MCC: variants seen among roughly 807,000 people sequenced by gnomAD.
MCC encodes colorectal mutant cancer protein.
MCC carries 90 observed loss-of-function variants against 116.2 expected under a neutral mutation model. The observed-to-expected ratio is 0.77, with a 90% CI of 0.65 to 0.92. The LOEUF is 0.92. Ranked by LOEUF, MCC falls within the 40% of genes least tolerant of loss-of-function variation. MCC has a pLI of 0.00. For missense variants in MCC, 1,516 were observed against 1,312.2 expected, an observed-to-expected ratio of 1.16 and a Z score of -2.40; for synonymous variants, 578 against 510.5, an observed-to-expected ratio of 1.13 and a Z score of -1.78.
Position 113,024,665 on chromosome 5 carries a change from ATGTT to A in MCC, c.*2633_*2636del, listed in dbSNP as rs1003824674. ...AGATCATTGTTTACCCTCATTGGAG[ATGTT>A]TGTTAGAGAAAAATTCAGGTAGCGC... is the stretch of plus-strand genomic sequence containing the variant. On this transcript the variant is annotated 3_prime_UTR_variant, in exon 19 of 19. Transcript: ENST00000408903. 3.9e-5 allele frequency: 6 copies of A among 152,166 alleles called. No individual in the cohort carries two copies. The highest frequency in any genetic ancestry group is 9.7e-5 in the African/African-American group (4 of 41,420). 9.4% of individuals were successfully genotyped at this position (152,166 alleles called of 1,614,324 possible). A position where few individuals can be genotyped will look rare whatever the true frequency, so the allele number is the denominator to read the frequency against.
In MCC at chr5:113,173,589, G is replaced by A. The variant is rs75044792; in HGVS notation, c.628-22167C>T. Among the ~76,000 whole-genome samples the A allele has an allele frequency of 7.6e-3, 1,162 of 152,298 alleles. 23 individuals carry two copies. The highest frequency in any genetic ancestry group is 0.026 in the African/African-American group (1,096 of 41,550). On this transcript the variant is annotated intron_variant, in intron 3 of 18. Transcript: ENST00000408903. The stretch of plus-strand genomic sequence containing the variant: ...AAACTTCTATTCTCCCCCAATCAGT[G>A]TAATCATGTGCATGACTGAATCCCA...
At position 113,180,391 on chromosome 5, in the gene MCC, T is replaced by C. The variant is rs574825577; in HGVS notation, c.628-28969A>G. On this transcript the variant is annotated intron_variant, in intron 3 of 18. Transcript: ENST00000408903. ...ACTCAGATTTATGGAATATATTGTA[T>C]AGAGAACCCACCAGAAAAACCCACT... Among the ~76,000 whole-genome samples, 14 of 152,308 alleles carry C rather than the reference T, an allele frequency of 9.2e-5. No individual in the cohort carries two copies. In the South Asian group the frequency reaches 2.5e-3, roughly 27 times the overall value.
intron 2 of MCC, among the ~76,000 whole-genome samples, chr5:113,384,001 C>A (rs556935656): frequency 6.6e-6 from 1 of 152,244 alleles, no homozygotes; most frequent in Admixed American, 6.5e-5. Flanking sequence ...AAAACAAACC[C>A]TGAAAATTCA....
At chr5:113,080,633 T>C (rs1186318519) in intron 11 of MCC, among the ~76,000 whole-genome samples, 1 of 151,998 alleles carries the variant, frequency 6.6e-6, no homozygotes, top group African/African-American at 2.4e-5. Context: ...GTGTGGAACA[T>C]CACACACCGG....
chr5:113,106,032 G>T (rs1027445360), intron 6 of MCC, among the ~76,000 whole-genome samples: 3 of 152,148 alleles, frequency 2.0e-5, no homozygotes, highest in Non-Finnish European at 4.4e-5. Flanking sequence ...GCAACTTTAG[G>T]TTCCTCAGGT....
intron 1 of MCC, chr5:113,432,521 G>A (rs1435691433): frequency 6.6e-6 from 1 of 151,962 alleles, no homozygotes; most frequent in Non-Finnish European, 1.5e-5. Context: ...AGGGTTATGA[G>A]AACTAAACAC....
intron 8 of MCC, among the ~76,000 whole-genome samples, chr5:113,088,602 G>C (rs1314182882): frequency 6.6e-6 from 1 of 151,944 alleles, no homozygotes; most frequent in Non-Finnish European, 1.5e-5. Context: ...CAAAGACAGA[G>C]AGACACAGGG....
chr5:113,233,675 A>G (rs958526009), intron 3 of MCC, among the ~76,000 whole-genome samples: 3 of 152,228 alleles, frequency 2.0e-5, no homozygotes, highest in Non-Finnish European at 2.9e-5. Flanking sequence ...AACTCCAGCC[A>G]GATGGCAACA....
intron 1 of MCC, among the ~76,000 whole-genome samples, chr5:113,472,492 G>A (rs115884346): frequency 6.6e-6 from 1 of 152,158 alleles, no homozygotes; most frequent in African/African-American, 2.4e-5. Context: ...AAGGTCACAA[G>A]TTATAATATA....
intron 17 of MCC, 62 bp from the exon 18 acceptor site, chr5:113,029,118 C>A (rs2150206093): frequency 6.7e-7 from 1 of 1,501,902 alleles, no homozygotes; most frequent in South Asian, 1.3e-5. Context: ...GGTGCCCACT[C>A]CCTGGGAAGT....
chr5:113,122,656 G>C, intron 6 of MCC, 28 bp downstream of exon 6: 1 of 1,608,020 alleles, frequency 6.2e-7, no homozygotes, highest in Non-Finnish European at 8.5e-7. Context: ...CCAAACTCTG[G>C]CTTGGTGGCA....
chr5:113,464,585 C>G (rs1032367938), intron 1 of MCC, among the ~76,000 whole-genome samples: 1 of 144,680 alleles, frequency 6.9e-6, no homozygotes, highest in African/African-American at 2.6e-5. Flanking sequence ...TTTGGTATTT[C>G]TTACTCTCTA....
intron 14 of MCC, among the ~76,000 whole-genome samples, 199 bp downstream of exon 14, chr5:113,063,785 A>G (rs1027709414): frequency 6.6e-6 from 1 of 152,246 alleles, no homozygotes; most frequent in Non-Finnish European, 1.5e-5. Flanking sequence ...CCACATTGGC[A>G]AAGTGAGAGG....
At chr5:113,425,624 C>A (rs1189393150) in intron 1 of MCC, among the ~76,000 whole-genome samples, 1 of 152,100 alleles carries the variant, frequency 6.6e-6, no homozygotes, top group African/African-American at 2.4e-5. Context: ...GGTGTAAAAT[C>A]AATACACAAT....
chr5:113,346,989 A>C (rs1262755724), intron 2 of MCC, among the ~76,000 whole-genome samples: 1 of 152,134 alleles, frequency 6.6e-6, no homozygotes, highest in Non-Finnish European at 1.5e-5. Flanking sequence ...TCTGGTGAAA[A>C]TATCCTTCAA....
At position 113,434,703 on chromosome 5, in the gene MCC, T is replaced by C. The variant is rs765367103; in HGVS notation, c.171-49491A>G. 3 of 1,613,980 alleles carry C rather than the reference T, an allele frequency of 1.9e-6. No homozygotes were observed. The highest frequency in any genetic ancestry group is 2.2e-5 in the East Asian group (1 of 44,898). On this transcript the variant is annotated intron_variant, in intron 1 of 18. Coordinates refer to ENST00000408903, the MANE Select transcript of MCC (RefSeq NM_001085377.2). The surrounding 1 kb of genome is among the most constrained non-coding windows in gnomAD (Gnocchi z 4.2). The stretch of plus-strand genomic sequence containing the variant: ...CTCCAAGAAGTCTGCGGGGGCCTTC[T>C]TGCGGTCGATGATCTTGATCGCCAC...
intron 1 of MCC, among the ~76,000 whole-genome samples, chr5:113,441,626 A>G (rs1771044784): frequency 1.3e-5 from 2 of 152,006 alleles, no homozygotes; most frequent in Admixed American, 1.3e-4. Flanking sequence ...TACATTAGGT[A>G]TTTCTCCTAA....
intron 1 of MCC, among the ~76,000 whole-genome samples, chr5:113,441,519 T>A (rs1314764692): frequency 1.3e-5 from 2 of 152,154 alleles, no homozygotes; most frequent in Non-Finnish European, 2.9e-5. Context: ...ACTTTTTTAT[T>A]ATACTCAAGT....
chr5:113,252,167 T>C (rs561173740), intron 3 of MCC, among the ~76,000 whole-genome samples: 57 of 152,300 alleles, frequency 3.7e-4, no homozygotes, highest in African/African-American at 1.3e-3. Context: ...TGATCAAGCA[T>C]GTCGGCCCTT....
Sources: gnomAD v4.1 joint callset for allele counts (sites outside exome capture counted in the v4.1 genomes callset) on GRCh38, gnomAD v4.1.1 for gene constraint, Gnocchi (gnomAD v3.1) non-coding constraint, MANE v1.5 for transcripts, NCBI Gene and HGNC (gene_info 2026-07-23, HGNC 2026-07-21) for gene names.